The following ENTPD7 variants were observed in gnomAD, a reference collection of about 807,000 sequenced individuals.
The protein encoded by ENTPD7 is ectonucleoside triphosphate diphosphohydrolase 7.
Under a neutral mutation model 77.9 loss-of-function variants are expected in ENTPD7, and 53 were observed. That is an observed-to-expected ratio of 0.68 (90% CI 0.55 to 0.85). The LOEUF is 0.85. ENTPD7 is among the 40% of genes least tolerant of loss of function. The pLI is 0.00. For missense variants in ENTPD7, 636 were observed against 743.7 expected, an observed-to-expected ratio of 0.86 and a Z score of 1.68; for synonymous variants, 248 against 274.9, an observed-to-expected ratio of 0.90 and a Z score of 0.97.
At chr10:99,686,168 T>C (rs2035808773) in intron 6 of ENTPD7, among the ~76,000 whole-genome samples, 1 of 152,160 alleles carries the variant, frequency 6.6e-6, no homozygotes, top group Non-Finnish European at 1.5e-5. Flanking sequence ...ATGATTTCAG[T>C]TGGATATTTG....
At chr10:99,673,915 G>A (rs911542) in intron 3 of ENTPD7, among the ~76,000 whole-genome samples, 1 of 152,104 alleles carries the variant, frequency 6.6e-6, no homozygotes, top group Admixed American at 6.5e-5. Flanking sequence ...TATCAAGGTA[G>A]TATAGATAAG....
intron 3 of ENTPD7, among the ~76,000 whole-genome samples, chr10:99,665,099 A>G (rs573901138): frequency 2.0e-5 from 3 of 152,128 alleles, no homozygotes; most frequent in African/African-American, 7.2e-5. Context: ...AAAAAATATA[A>G]AAATTAGCCA....
Position 99,659,931 on chromosome 10 carries a change from G to A in ENTPD7, c.-26G>A. On this transcript the variant is annotated 5_prime_UTR_variant, in exon 2 of 13. Coordinates refer to ENST00000370489, the MANE Select transcript of ENTPD7 (RefSeq NM_020354.5). This position sits in a 1 kb window ranked among gnomAD's most constrained non-coding sequence, Gnocchi z 4.1. ...AGGGCAAAAGAAAAAGAAGGTGACA[G>A]GCGTTGAGACCACCGAAGGGAACCC... 6.2e-7 allele frequency: 1 copy of A among 1,614,092 alleles called. No individual in the cohort carries two copies. Among genetic ancestry groups the A allele is most frequent in the Non-Finnish European group, 8.5e-7 (1 of 1,179,994 alleles).
chr10:99,682,203 T>TG (rs1450663907), intron 5 of ENTPD7, among the ~76,000 whole-genome samples: 6 of 151,742 alleles, frequency 4.0e-5, no homozygotes, highest in East Asian at 1.9e-4. Flanking sequence ...ACAGCAGTTT[T>TG]TTTTTTTTTT....
intron 3 of ENTPD7, among the ~76,000 whole-genome samples, chr10:99,663,408 G>C (rs906245990): frequency 6.7e-6 from 1 of 148,772 alleles, no homozygotes; most frequent in Non-Finnish European, 1.5e-5. Context: ...TTTATCACTG[G>C]TTTTAAGCAA....
chr10:99,672,888 G>A (rs546415340), intron 3 of ENTPD7, among the ~76,000 whole-genome samples: 93 of 152,274 alleles, frequency 6.1e-4, no homozygotes, highest in Non-Finnish European at 8.5e-4. Context: ...ACTGAGCTCT[G>A]TTTGAACTCT....
Position 99,704,604 on chromosome 10 carries a change from A to C in ENTPD7, c.1736A>C (p.Gln579Pro). The change falls in exon 13 of 13, where the codon CAA becomes CCA. Residue 579 changes from glutamine (Q) to proline (P), a missense_variant. Physicochemically the swap from Gln to Pro is moderately conservative, Grantham distance 76. Coordinates refer to ENST00000370489, the MANE Select transcript of ENTPD7 (RefSeq NM_020354.5). Reference sequence around the variant, plus strand: ...CGGCTACGCCGAATTCACCACCGACAAACACGAGCCTCAGCTCCATTGGAC... The same window carrying C: ...CGGCTACGCCGAATTCACCACCGACCAACACGAGCCTCAGCTCCATTGGAC... Reference protein sequence around the residue: ...LLRLRRIHHRQTRASAPLDLL... With the variant: ...LLRLRRIHHRPTRASAPLDLL... 1 of 1,614,146 alleles carries C rather than the reference A, an allele frequency of 6.2e-7. No homozygotes were observed.
chr10:99,661,520 G>T lies in ENTPD7; in HGVS notation c.83G>T (p.Arg28Leu). 1 of 1,613,824 alleles carries T rather than the reference G, an allele frequency of 6.2e-7. No homozygotes were observed. Among genetic ancestry groups the T allele is most frequent in the Admixed American group, 1.7e-5 (1 of 59,970 alleles). The change falls in exon 3 of 13, where the codon CGG becomes CTG. Residue 28 changes from arginine to leucine, a missense_variant. Arg to Leu is a moderately radical substitution (Grantham distance 102). Around this residue, in one of 3 missense-constraint regions of ENTPD7, gnomAD observed 486 missense variants for 556.5 expected, o/e 0.87. Coordinates refer to ENST00000370489, the MANE Select transcript of ENTPD7 (RefSeq NM_020354.5). ...VPTVSPFLRQ[R>L]VAFLGLFFIS... is the part of the protein sequence containing the mutation. ...ACAGTGAGTCCATTTCTCCGTCAGC[G>T]GGTGGCATTCCTGGGACTCTTCTTC...
chr10:99,672,754 T>C (rs2035632215), intron 3 of ENTPD7, among the ~76,000 whole-genome samples: 1 of 152,238 alleles, frequency 6.6e-6, no homozygotes, highest in Non-Finnish European at 1.5e-5. Flanking sequence ...CACAGCTACT[T>C]TAACTGTAAT....
At chr10:99,702,785 A>ACCTTCCTCTCTACCC in intron 12 of ENTPD7, 112 bp downstream of exon 12, 2 of 979,388 alleles carry the variant, frequency 2.0e-6, no homozygotes, top group Non-Finnish European at 2.8e-6. Flanking sequence ...GTCTTAAGTG[A>ACCTTCCTCTCTACCC]CCTTCCTCTC....
intron 7 of ENTPD7, among the ~76,000 whole-genome samples, chr10:99,689,539 T>C (rs1181034528): frequency 1.3e-5 from 2 of 152,184 alleles, no homozygotes; most frequent in Admixed American, 1.3e-4. Flanking sequence ...AGGTCAGATA[T>C]AGATGTTTGA....
At chr10:99,696,758 C>G (rs901553607) in intron 9 of ENTPD7, among the ~76,000 whole-genome samples, 1 of 152,102 alleles carries the variant, frequency 6.6e-6, no homozygotes, top group Admixed American at 6.5e-5. Flanking sequence ...TATCATTAAG[C>G]ACACTGAAGG....
Position 99,700,992 on chromosome 10 carries a change from G to C in ENTPD7, c.1355G>C (p.Trp452Ser). ...KAAQDYCGMA[W>S]SVLTQRFKNG... ...ATCCAGGATTACTGTGGCATGGCTTGGTCGGTACTAACTCAGAGATTCAAG... is the reference window on the plus strand; with the variant it reads ...ATCCAGGATTACTGTGGCATGGCTTCGTCGGTACTAACTCAGAGATTCAAG... Residue 452 changes from tryptophan to serine, a missense_variant, in exon 11 of 13, where the codon TGG (tryptophan) becomes TCG (serine). Physicochemically the swap from Trp to Ser is radical, Grantham distance 177 (BLOSUM62 -3). This residue lies in a region of ENTPD7 where 486 missense variants were observed against 556.5 expected (regional missense o/e 0.87). Coordinates refer to ENST00000370489, the MANE Select transcript of ENTPD7 (RefSeq NM_020354.5). 6.2e-7 allele frequency: 1 copy of C among 1,613,860 alleles called. No homozygotes were observed. Among genetic ancestry groups the C allele is most frequent in the Non-Finnish European group, 8.5e-7 (1 of 1,179,894 alleles).
intron 3 of ENTPD7, among the ~76,000 whole-genome samples, chr10:99,666,725 C>A (rs2035554971): frequency 6.6e-6 from 1 of 152,194 alleles, no homozygotes; most frequent in African/African-American, 2.4e-5. Flanking sequence ...GTGCTCAGAA[C>A]ATTTACATTA....
chr10:99,675,282 T>C (rs759988416), intron 3 of ENTPD7, among the ~76,000 whole-genome samples: 1 of 152,186 alleles, frequency 6.6e-6, no homozygotes, highest in South Asian at 2.1e-4. Flanking sequence ...TTCCCAATAC[T>C]TAAAAGACTT....
chr10:99,692,032 AT>A (rs780614639), intron 8 of ENTPD7, among the ~76,000 whole-genome samples: 9 of 148,154 alleles, frequency 6.1e-5, no homozygotes, highest in Non-Finnish European at 1.0e-4. Context: ...TTGTACAGCC[AT>A]TATGTACACC....
At position 99,700,430 on chromosome 10, in the gene ENTPD7, GTGTGTGTGTGTGTGTT is replaced by G. The variant is rs1425895641; in HGVS notation, c.1336-541_1336-526del. 5.0e-3 allele frequency among the ~76,000 whole-genome samples: 419 copies of G among 84,586 alleles called. 1 individual carries two copies. Among genetic ancestry groups the G allele is most frequent in the African/African-American group, 0.016 (399 of 25,606 alleles). The allele number at this position is 84,586 out of a possible 152,430, so 55.5% of individuals were successfully genotyped here. A position where few individuals can be genotyped will look rare whatever the true frequency, so the allele number is the denominator to read the frequency against. ...TGTGTGTGTATGTGTGTGTGTGTGTGTGTGTGTGTGTGTGTTTATTGTCTGTCTCCTACCACTAGAA... is the reference window on the plus strand; with the variant it reads ...TGTGTGTGTATGTGTGTGTGTGTGTGTATTGTCTGTCTCCTACCACTAGAA... On this transcript the variant is annotated intron_variant, in intron 10 of 12. Transcript: ENST00000370489.
chr10:99,710,798 TCATTACCC>T lies in ENTPD7; in HGVS notation c.*6117_*6124del. ...CAACATTGCTTTAGGGAGTTGCTAGTCATTACCCCTGCTACAATAGATAGTATTTGTCA... is the reference window on the plus strand; with the variant it reads ...CAACATTGCTTTAGGGAGTTGCTAGTCTGCTACAATAGATAGTATTTGTCA... On this transcript the variant is annotated 3_prime_UTR_variant, in exon 13 of 13. Coordinates refer to ENST00000370489, the MANE Select transcript of ENTPD7 (RefSeq NM_020354.5). 1 of 985,396 alleles carries T rather than the reference TCATTACCC, an allele frequency of 1.0e-6. No individual in the cohort carries two copies. Among genetic ancestry groups the T allele is most frequent in the Non-Finnish European group, 1.2e-6 (1 of 829,894 alleles). 61.0% of individuals were successfully genotyped at this position (985,396 alleles called of 1,614,324 possible).
At position 99,702,676 on chromosome 10, in the gene ENTPD7, AAAGT is replaced by A; in HGVS notation, c.1583+7_1583+10del. On this transcript the variant is annotated splice_donor_5th_base_variant and intron_variant, in intron 12 of 12. Transcript: ENST00000370489. Reference sequence around the variant, plus strand: ...AAAACACGATTCTTACCACTCAGGTAAAGTAAGACTGACCAATCTGGTATCTTGA... The same window carrying A: ...AAAACACGATTCTTACCACTCAGGTAAAGACTGACCAATCTGGTATCTTGA... 1 of 1,603,968 alleles carries A rather than the reference AAAGT, an allele frequency of 6.2e-7. No individual in the cohort carries two copies. The highest frequency in any genetic ancestry group is 8.5e-7 in the Non-Finnish European group (1 of 1,176,176).
Sources: allele counts gnomAD v4.1 joint callset (sites outside exome capture counted in the v4.1 genomes callset), GRCh38; gene constraint gnomAD v4.1.1; regional missense constraint gnomAD v4.1.1; non-coding constraint Gnocchi (gnomAD v3.1); transcripts MANE v1.5; gene names NCBI Gene and HGNC (gene_info 2026-07-23, HGNC 2026-07-21).